EFCAB8: variants seen among roughly 807,000 people sequenced by gnomAD.
The protein encoded by EFCAB8 is EF-hand calcium binding domain 8.
In EFCAB8, 100 loss-of-function variants were observed where a neutral mutation model predicts 116.3. The observed-to-expected ratio is 0.86, with a 90% CI of 0.73 to 1.02. The LOEUF is 1.02. Among genes scored for constraint, EFCAB8 ranks in the 50% least tolerant of loss-of-function variants. The probability of loss-of-function intolerance (pLI) is 0.00; values close to 1 mark genes in which losing one functional copy is unlikely to be tolerated. For synonymous variants in EFCAB8, 558 were observed against 567.9 expected, an observed-to-expected ratio of 0.98 and a Z score of 0.25; for missense variants, 1,320 against 1,416.9, an observed-to-expected ratio of 0.93 and a Z score of 1.10.
intron 14 of EFCAB8, among the ~76,000 whole-genome samples, chr20:32,909,492 G>A (rs1986820898): frequency 6.6e-6 from 1 of 152,202 alleles, no homozygotes; most frequent in Non-Finnish European, 1.5e-5. Flanking sequence ...CCTGGGGCAA[G>A]GGGGAGGCAG....
At chr20:32,881,163 A>G (rs1159080207) in intron 5 of EFCAB8, among the ~76,000 whole-genome samples, 1 of 152,184 alleles carries the variant, frequency 6.6e-6, no homozygotes. Context: ...AGGCATCTGG[A>G]ATCATTGAGC....
chr20:32,871,922 A>G (rs1600365805), intron 3 of EFCAB8, among the ~76,000 whole-genome samples: 2 of 151,982 alleles, frequency 1.3e-5, no homozygotes, highest in Admixed American at 6.5e-5. Context: ...AAAGCACACA[A>G]AGGCAGTTTG....
intron 11 of EFCAB8, among the ~76,000 whole-genome samples, chr20:32,905,578 G>A (rs1458140817): frequency 6.6e-6 from 1 of 151,954 alleles, no homozygotes; most frequent in Non-Finnish European, 1.5e-5. Flanking sequence ...TGGCCAACAT[G>A]GTAAAAGCCC....
chr20:32,873,318 A>T (rs1984781848), intron 3 of EFCAB8, among the ~76,000 whole-genome samples: 1 of 151,552 alleles, frequency 6.6e-6, no homozygotes, highest in Non-Finnish European at 1.5e-5. Context: ...TGACCTCGTG[A>T]TCCACCTGCC....
chr20:32,876,088 G>A (rs1812996435), intron 4 of EFCAB8, 44 bp downstream of exon 4: 4 of 1,500,602 alleles, frequency 2.7e-6, no homozygotes, highest in Non-Finnish European at 9.1e-7. Flanking sequence ...GAGGGAGGCT[G>A]GAGGGTCCAG....
intron 22 of EFCAB8, among the ~76,000 whole-genome samples, chr20:32,941,774 A>G (rs2146289753): frequency 6.6e-6 from 1 of 152,310 alleles, no homozygotes; most frequent in South Asian, 2.1e-4. Flanking sequence ...ATGGTCTAAA[A>G]TAGAATGTGG....
At chr20:32,925,005 C>T (rs1200983912) in intron 20 of EFCAB8, among the ~76,000 whole-genome samples, 1 of 152,136 alleles carries the variant, frequency 6.6e-6, no homozygotes, top group Non-Finnish European at 1.5e-5. Context: ...TCTCTGATCT[C>T]AGCCTTTCCT....
At chr20:32,927,664 A>G (rs1987726468) in intron 20 of EFCAB8, among the ~76,000 whole-genome samples, 1 of 152,162 alleles carries the variant, frequency 6.6e-6, no homozygotes, top group Non-Finnish European at 1.5e-5. Flanking sequence ...TAAAGTCTTA[A>G]TGGTGATTAT....
intron 11 of EFCAB8, among the ~76,000 whole-genome samples, chr20:32,903,046 G>C (rs898427092): frequency 3.2e-4 from 48 of 152,124 alleles, no homozygotes; most frequent in Non-Finnish European, 1.3e-4. Flanking sequence ...GTCCCCTCAG[G>C]CCACATTTCC....
chr20:32,933,472 G>A (rs544554473), intron 22 of EFCAB8, among the ~76,000 whole-genome samples: 4 of 152,206 alleles, frequency 2.6e-5, no homozygotes, highest in African/African-American at 9.6e-5. Context: ...TTTATGGTGA[G>A]ACATTTAAAA....
At chr20:32,881,653 C>T (rs1462973303) in intron 5 of EFCAB8, among the ~76,000 whole-genome samples, 4 of 152,200 alleles carry the variant, frequency 2.6e-5, no homozygotes, top group Non-Finnish European at 2.9e-5. Flanking sequence ...TTGCAAGGGA[C>T]ATCGGGTTCA....
chr20:32,939,009 C>T (rs1190509033), intron 22 of EFCAB8, among the ~76,000 whole-genome samples: 2 of 120,374 alleles, frequency 1.7e-5, no homozygotes, highest in African/African-American at 6.8e-5. Flanking sequence ...TCCCTCCTTC[C>T]CTCCTTCCCT....
In EFCAB8 at chr20:32,959,102, G is replaced by A. The variant is rs555916758; in HGVS notation, c.3089+552G>A. Among the ~76,000 whole-genome samples, 71 of 152,332 alleles carry A rather than the reference G, an allele frequency of 4.7e-4. 1 individual carries two copies. Among genetic ancestry groups the A allele is most frequent in the African/African-American group, 1.7e-3 (70 of 41,576 alleles). On this transcript the variant is annotated intron_variant, in intron 24 of 26. Transcript: ENST00000400522. ...GTTCATTCAAGAAAATGTGTATTGA[G>A]ATCCTACTGACTGCCAGACCTTGTG...
At chr20:32,936,870 T>G (rs1035611059) in intron 22 of EFCAB8, among the ~76,000 whole-genome samples, 7 of 152,182 alleles carry the variant, frequency 4.6e-5, no homozygotes, top group African/African-American at 1.7e-4. Context: ...TGATAGGGAC[T>G]GCATTGAATC....
At position 32,885,549 on chromosome 20, in the gene EFCAB8, G is replaced by A. The variant is rs750519204; in HGVS notation, c.476G>A (p.Arg159Gln). The A allele has an allele frequency of 1.1e-5, 17 of 1,551,616 alleles. No individual in the cohort carries two copies. The East Asian group carries it at 2.4e-4, about 22-fold the overall frequency. ...GTGAAGGTGGTGTTTTTAATCCACCGGTTCAAGAAGATCGGGTGTTTCCTG... is the reference window on the plus strand; with the variant it reads ...GTGAAGGTGGTGTTTTTAATCCACCAGTTCAAGAAGATCGGGTGTTTCCTG... Reference protein sequence around the residue: ...EVVKVVFLIHRFKKIGCFLTV... With the variant: ...EVVKVVFLIHQFKKIGCFLTV... Residue 159 changes from arginine (R) to glutamine (Q), a missense_variant, in exon 6 of 27, where the codon CGG becomes CAG. Arg to Gln is a conservative substitution (Grantham distance 43). Coordinates refer to ENST00000400522, the MANE Select transcript of EFCAB8 (RefSeq NM_001143967.2).
chr20:32,906,783 C>A, intron 12 of EFCAB8, 60 bp from the exon 13 acceptor site: 1 of 853,722 alleles, frequency 1.2e-6, no homozygotes, highest in Admixed American at 2.0e-5. Context: ...ACCACCTTCA[C>A]CAGTGGGTGA....
intron 23 of EFCAB8, among the ~76,000 whole-genome samples, chr20:32,950,622 GTCTGTTCCCATACA>G (rs1194457829): frequency 6.6e-6 from 1 of 152,170 alleles, no homozygotes; most frequent in Non-Finnish European, 1.5e-5. Context: ...AGAGTTGTGT[GTCTGTTCCCATACA>G]TCTTTCTGCA....
chr20:32,885,486 C>CT lies in EFCAB8; in HGVS notation c.432-16dup. 1.3e-6 allele frequency: 2 copies of CT among 1,551,548 alleles called. No individual in the cohort carries two copies. The stretch of plus-strand genomic sequence containing the variant: ...GCTGTTTTTGCTTGGGCTCTTCTCT[C>CT]TTTCATCGCCTCCCACAGGAACCAT... On this transcript the variant is annotated intron_variant, in intron 5 of 26. Coordinates refer to ENST00000400522, the MANE Select transcript of EFCAB8 (RefSeq NM_001143967.2).
chr20:32,888,502 G>A (rs1171116463), intron 6 of EFCAB8, among the ~76,000 whole-genome samples: 1 of 152,180 alleles, frequency 6.6e-6, no homozygotes, highest in Non-Finnish European at 1.5e-5. Flanking sequence ...GATTACAGGT[G>A]TGAGCCACTG....
Sources: allele counts gnomAD v4.1 joint callset (sites outside exome capture counted in the v4.1 genomes callset), GRCh38; gene constraint gnomAD v4.1.1; transcripts MANE v1.5; gene names NCBI Gene and HGNC (gene_info 2026-07-23, HGNC 2026-07-21).